The following MTUS2 variants were observed in gnomAD, a reference collection of about 807,000 sequenced individuals.
MTUS2 encodes microtubule associated scaffold protein 2.
A neutral mutation model predicts 114.1 loss-of-function variants in MTUS2; 40 were observed. The ratio of observed to expected loss-of-function variants is 0.35; its 90% CI spans 0.27 to 0.46. The LOEUF is 0.46. Among genes scored for constraint, MTUS2 ranks in the 20% least tolerant of loss-of-function variants. The pLI, the probability that MTUS2 is intolerant of heterozygous loss-of-function variation, is 1.00. For missense variants in MTUS2, 1,679 were observed against 1,705.4 expected, an observed-to-expected ratio of 0.98 and a Z score of 0.27; for synonymous variants, 688 against 672.0, an observed-to-expected ratio of 1.02 and a Z score of -0.37.
rs956935587 is a variant in MTUS2 at position 29,025,556 on chromosome 13, G to A, written c.858G>A (p.Leu286=). The A allele has an allele frequency of 6.2e-7, 1 of 1,613,936 alleles. No individual in the cohort carries two copies. Among genetic ancestry groups the A allele is most frequent in the East Asian group, 2.2e-5 (1 of 44,888 alleles). Residue 286 remains leucine, a synonymous_variant, in exon 3 of 16, where the codon TTG becomes TTA. Transcript: ENST00000612955. ...HSAHPEPALN[L]TLASKEIPSK... ...CCCATCCAGAGCCTGCTCTGAATTTGACTTTGGCATCGAAGGAAATCCCAA... is the reference window on the plus strand; with the variant it reads ...CCCATCCAGAGCCTGCTCTGAATTTAACTTTGGCATCGAAGGAAATCCCAA...
intron 14 of MTUS2, among the ~76,000 whole-genome samples, chr13:29,498,885 C>G (rs1192016266): frequency 6.6e-6 from 1 of 152,188 alleles, no homozygotes; most frequent in Non-Finnish European, 1.5e-5. Context: ...GGAGCACTTT[C>G]CCCGAGCCTG....
At chr13:28,915,410 A>G (rs188969433) in intron 2 of MTUS2, among the ~76,000 whole-genome samples, 1 of 152,050 alleles carries the variant, frequency 6.6e-6, no homozygotes, top group Non-Finnish European at 1.5e-5. Flanking sequence ...TTACATTTCA[A>G]CCAACAATGT....
chr13:29,243,769 G>A (rs946078055), intron 5 of MTUS2, among the ~76,000 whole-genome samples: 1 of 152,170 alleles, frequency 6.6e-6, no homozygotes, highest in South Asian at 2.1e-4. Flanking sequence ...GCAGTTGGGG[G>A]GATGCCGTTG....
chr13:29,221,046 TCA>T (rs1199836489), intron 5 of MTUS2, among the ~76,000 whole-genome samples: 1 of 149,660 alleles, frequency 6.7e-6, no homozygotes, highest in African/African-American at 2.5e-5. Context: ...CATCGTTCTC[TCA>T]CAGTCTTCCT....
At chr13:29,494,986 A>G (rs1428267220) in intron 12 of MTUS2, among the ~76,000 whole-genome samples, 1 of 151,346 alleles carries the variant, frequency 6.6e-6, no homozygotes, top group Non-Finnish European at 1.5e-5. Flanking sequence ...AGAGTTTGAG[A>G]CCAGCCTGGA....
chr13:28,981,374 G>A lies in MTUS2; in HGVS notation c.-242-43083G>A, dbSNP rs778009948. On this transcript the variant is annotated intron_variant, in intron 2 of 15. Coordinates refer to ENST00000612955, the MANE Select transcript of MTUS2 (RefSeq NM_001033602.4). ...AGGTAAAACTATAGAAACAGCAAAC[G>A]TGTAGGTAGTTTCCAGGGGCTGAGG... is the stretch of plus-strand genomic sequence containing the variant. Among the ~76,000 whole-genome samples the A allele has an allele frequency of 6.7e-4, 102 of 152,236 alleles. 2 individuals are homozygous for A. The highest frequency in any genetic ancestry group is 8.4e-4 in the Non-Finnish European group (57 of 68,016).
At chr13:29,463,932 T>G (rs1879701778) in intron 9 of MTUS2, among the ~76,000 whole-genome samples, 1 of 152,186 alleles carries the variant, frequency 6.6e-6, no homozygotes, top group African/African-American at 2.4e-5. Flanking sequence ...AGGCAGAGGT[T>G]GCAGTAAGCC....
At chr13:28,961,628 A>G (rs1053883360) in intron 2 of MTUS2, among the ~76,000 whole-genome samples, 1 of 152,186 alleles carries the variant, frequency 6.6e-6, no homozygotes, top group South Asian at 2.1e-4. Flanking sequence ...CTAAAATGCA[A>G]ATCACTCATA....
intron 4 of MTUS2, among the ~76,000 whole-genome samples, chr13:29,048,380 G>A (rs1401417881): frequency 6.6e-6 from 1 of 152,160 alleles, no homozygotes; most frequent in East Asian, 1.9e-4. Context: ...CTCATTATGG[G>A]TTGTATAACC....
chr13:28,908,408 T>C (rs1016352401), intron 2 of MTUS2, among the ~76,000 whole-genome samples: 5 of 151,662 alleles, frequency 3.3e-5, no homozygotes, highest in Admixed American at 2.0e-4. Context: ...TTTCTGTCCT[T>C]GTGATAGTTT....
rs1277912150 is a variant in MTUS2 at position 29,501,172 on chromosome 13, G to A, written c.3874G>A (p.Asp1292Asn). ...GAACGAAGACCTCAAAGCAAGGATTGACCAAAACACAGTTGTCACCAGGTA... is the reference window on the plus strand; with the variant it reads ...GAACGAAGACCTCAAAGCAAGGATTAACCAAAACACAGTTGTCACCAGGTA... Reference protein sequence around the residue: ...QQNEDLKARIDQNTVVTRQLS... With the variant: ...QQNEDLKARINQNTVVTRQLS... The change falls in exon 15 of 16, where the codon GAC becomes AAC. Residue 1292 changes from aspartate to asparagine, a missense_variant. This residue lies in a region of MTUS2 where 822 missense variants were observed against 899.7 expected (regional missense o/e 0.91). Coordinates refer to ENST00000612955, the MANE Select transcript of MTUS2 (RefSeq NM_001033602.4). The A allele has an allele frequency of 6.2e-7, 1 of 1,614,062 alleles. No homozygotes were observed. Among genetic ancestry groups the A allele is most frequent in the Non-Finnish European group, 8.5e-7 (1 of 1,179,966 alleles).
chr13:29,040,814 T>G (rs1183875937), intron 4 of MTUS2, among the ~76,000 whole-genome samples: 2 of 152,208 alleles, frequency 1.3e-5, no homozygotes, highest in African/African-American at 2.4e-5. Flanking sequence ...TTTGTTTTTT[T>G]CTTGCTTATT....
Position 29,100,930 on chromosome 13 carries a change from C to A in MTUS2, c.2604C>A (p.Ser868=). The A allele has an allele frequency of 1.3e-6, 2 of 1,571,980 alleles. No homozygotes were observed. Among genetic ancestry groups the A allele is most frequent in the East Asian group, 2.3e-5 (1 of 42,784 alleles). The change falls in exon 5 of 16, where the codon TCC becomes TCA. Residue 868 remains serine (S), a synonymous_variant. Transcript: ENST00000612955. Reference sequence around the variant, plus strand: ...TCTCCTCAGTCTCCAGCACCCAGTCCGGGGACAGTGCACAGCCAGAGCAGG... The same window carrying A: ...TCTCCTCAGTCTCCAGCACCCAGTCAGGGGACAGTGCACAGCCAGAGCAGG... ...SSVSSVSSTQ[S]GDSAQPEQGR...
At chr13:29,051,035 T>C (rs1001859843) in intron 4 of MTUS2, among the ~76,000 whole-genome samples, 1 of 152,206 alleles carries the variant, frequency 6.6e-6, no homozygotes, top group Admixed American at 6.5e-5. Flanking sequence ...CACAAAAGTT[T>C]TAAACATCAT....
At chr13:28,969,772 G>A (rs1318841477) in intron 2 of MTUS2, among the ~76,000 whole-genome samples, 2 of 150,830 alleles carry the variant, frequency 1.3e-5, no homozygotes, top group African/African-American at 4.9e-5. Flanking sequence ...CAAAGTGCTG[G>A]GATTACAGGC....
chr13:29,153,815 G>T (rs1892754816), intron 5 of MTUS2, among the ~76,000 whole-genome samples: 1 of 152,148 alleles, frequency 6.6e-6, no homozygotes, highest in African/African-American at 2.4e-5. Flanking sequence ...AGCTGAAAAA[G>T]CATCAGGTGA....
At chr13:29,097,540 A>G (rs1252139508) in intron 4 of MTUS2, among the ~76,000 whole-genome samples, 1 of 152,232 alleles carries the variant, frequency 6.6e-6, no homozygotes, top group Admixed American at 6.5e-5. Flanking sequence ...GTACTTGGAA[A>G]CATATATTCC....
At chr13:28,962,080 T>G (rs1388442170) in intron 2 of MTUS2, among the ~76,000 whole-genome samples, 1 of 151,350 alleles carries the variant, frequency 6.6e-6, no homozygotes, top group East Asian at 1.9e-4. Context: ...TTTTAAAATA[T>G]TCTCTATATA....
chr13:29,414,560 A>C (rs1277597827), intron 8 of MTUS2, among the ~76,000 whole-genome samples: 1 of 150,194 alleles, frequency 6.7e-6, no homozygotes, highest in East Asian at 1.9e-4. Flanking sequence ...GTTTTTGTAT[A>C]TTATGGGAAA....
Sources: allele counts gnomAD v4.1 joint callset (sites outside exome capture counted in the v4.1 genomes callset), GRCh38; gene constraint gnomAD v4.1.1; regional missense constraint gnomAD v4.1.1; transcripts MANE v1.5; gene names NCBI Gene and HGNC (gene_info 2026-07-23, HGNC 2026-07-21).